Variants in LRRC4C observed in about 807,000 individuals in gnomAD.
The protein encoded by LRRC4C is leucine rich repeat containing 4C.
In LRRC4C, 5 loss-of-function variants were observed where a neutral mutation model predicts 33.6. The ratio of observed to expected loss-of-function variants is 0.15; its 90% CI spans 0.08 to 0.31. The LOEUF is 0.31. Among genes scored for constraint, LRRC4C ranks in the 10% least tolerant of loss-of-function variants. The pLI is 1.00. For synonymous variants in LRRC4C, 329 were observed against 302.0 expected (o/e 1.09, Z -0.93); for missense variants, 560 against 796.7 (o/e 0.70, Z 3.58).
At chr11:40,637,780 T>G (rs1266191885) in intron 3 of LRRC4C, among the ~76,000 whole-genome samples, 5 of 152,212 alleles carry the variant, frequency 3.3e-5, no homozygotes, top group Non-Finnish European at 5.9e-5. Flanking sequence ...AGAGCAATAG[T>G]CTGCTAATTG....
At chr11:40,381,713 T>C (rs1319535942) in intron 3 of LRRC4C, among the ~76,000 whole-genome samples, 1 of 152,040 alleles carries the variant, frequency 6.6e-6, no homozygotes, top group Admixed American at 6.6e-5. Context: ...CTGATGGCTC[T>C]CTCTTGGTGC....
chr11:40,907,089 A>G (rs117271785), intron 2 of LRRC4C, among the ~76,000 whole-genome samples: 1 of 152,340 alleles, frequency 6.6e-6, no homozygotes, highest in East Asian at 1.9e-4. Context: ...ATGCAAGTAT[A>G]TCAGTTACTT....
intron 4 of LRRC4C, among the ~76,000 whole-genome samples, chr11:40,318,761 T>A (rs1945699955): frequency 6.6e-6 from 1 of 152,140 alleles, no homozygotes; most frequent in African/African-American, 2.4e-5. Context: ...GCCTCAAAAA[T>A]TGAAAACTAC....
intron 2 of LRRC4C, among the ~76,000 whole-genome samples, chr11:40,708,848 T>A (rs2136562321): frequency 6.6e-6 from 1 of 152,244 alleles, no homozygotes; most frequent in African/African-American, 2.4e-5. Context: ...AGTCTAAGTC[T>A]CCTTGTAGCT....
At chr11:40,693,921 C>T (rs1027670181) in intron 2 of LRRC4C, among the ~76,000 whole-genome samples, 2 of 152,144 alleles carry the variant, frequency 1.3e-5, no homozygotes, top group African/African-American at 2.4e-5. Context: ...TTTCTGCTAT[C>T]AATGCCAACA....
chr11:40,997,275 A>G (rs1319391319), intron 1 of LRRC4C, among the ~76,000 whole-genome samples: 1 of 152,104 alleles, frequency 6.6e-6, no homozygotes, highest in Non-Finnish European at 1.5e-5. Context: ...ATTACCTATA[A>G]TATGAGTGAA....
intron 1 of LRRC4C, among the ~76,000 whole-genome samples, chr11:41,447,354 T>A (rs184240817): frequency 2.0e-5 from 3 of 152,254 alleles, no homozygotes; most frequent in Admixed American, 2.0e-4. Flanking sequence ...ACTAAGAAAT[T>A]TCCCAGTTTC....
At chr11:40,614,154 C>T (rs1961520304) in intron 3 of LRRC4C, among the ~76,000 whole-genome samples, 1 of 151,868 alleles carries the variant, frequency 6.6e-6, no homozygotes, top group Admixed American at 6.6e-5. Context: ...ATTGACTTCT[C>T]TCTAGCTATT....
At chr11:40,305,013 C>T (rs1022247784) in intron 4 of LRRC4C, among the ~76,000 whole-genome samples, 3 of 152,202 alleles carry the variant, frequency 2.0e-5, no homozygotes, top group Admixed American at 6.5e-5. Context: ...GATCTACCCT[C>T]CTTGGCCTCC....
intron 3 of LRRC4C, among the ~76,000 whole-genome samples, chr11:40,436,633 A>G (rs994879740): frequency 1.3e-5 from 2 of 152,322 alleles, no homozygotes; most frequent in South Asian, 4.1e-4. Flanking sequence ...GAGCTATTAC[A>G]GACTGAATGT....
At chr11:41,144,898 C>G (rs1344593914) in intron 1 of LRRC4C, among the ~76,000 whole-genome samples, 1 of 152,126 alleles carries the variant, frequency 6.6e-6, no homozygotes, top group Non-Finnish European at 1.5e-5. Flanking sequence ...GAAACTAGTA[C>G]ATTCCAATGT....
intron 1 of LRRC4C, among the ~76,000 whole-genome samples, chr11:41,453,329 G>A (rs1401202476): frequency 6.6e-6 from 1 of 152,010 alleles, no homozygotes; most frequent in African/African-American, 2.4e-5. Context: ...CAAAAATATG[G>A]TACTGATCAT....
chr11:40,129,064 A>G (rs1170863141), intron 6 of LRRC4C, among the ~76,000 whole-genome samples: 2 of 152,146 alleles, frequency 1.3e-5, no homozygotes, highest in Non-Finnish European at 2.9e-5. Flanking sequence ...TTCACCTAGA[A>G]CAGTACTCAT....
chr11:41,416,943 A>C (rs1203982143), intron 1 of LRRC4C, among the ~76,000 whole-genome samples: 1 of 151,978 alleles, frequency 6.6e-6, no homozygotes, highest in Non-Finnish European at 1.5e-5. Flanking sequence ...AGAGTTTCCC[A>C]GTAGCACACA....
intron 1 of LRRC4C, among the ~76,000 whole-genome samples, chr11:41,147,946 G>T (rs921630428): frequency 6.6e-6 from 1 of 152,108 alleles, no homozygotes; most frequent in Admixed American, 6.6e-5. Context: ...ATAAAAATTA[G>T]CTGGGCGTGG....
In LRRC4C at chr11:40,635,902, G is replaced by T. The variant is rs766635801; in HGVS notation, c.-270+12240C>A. Among the ~76,000 whole-genome samples the T allele has an allele frequency of 8.1e-4, 123 of 151,980 alleles. 1 individual carries two copies. Among genetic ancestry groups the T allele is most frequent in the Non-Finnish European group, 2.5e-4 (17 of 68,010 alleles). ...GATCCGCCTGCCTCGGCCTCCCAAA[G>T]TGCTGGGATTACAGGCGTGAGGCAC... On this transcript the variant is annotated intron_variant, in intron 3 of 6. Transcript: ENST00000528697.
chr11:41,363,062 T>A (rs777225074), intron 1 of LRRC4C, among the ~76,000 whole-genome samples: 11 of 152,218 alleles, frequency 7.2e-5, no homozygotes, highest in Non-Finnish European at 1.2e-4. Flanking sequence ...CTTCCTTACA[T>A]ATCTCTGAGT....
At chr11:40,881,463 C>G (rs1002894014) in intron 2 of LRRC4C, among the ~76,000 whole-genome samples, 2 of 152,056 alleles carry the variant, frequency 1.3e-5, no homozygotes, top group Non-Finnish European at 2.9e-5. Context: ...GCAATAAAAA[C>G]AAATCAGATT....
intron 2 of LRRC4C, among the ~76,000 whole-genome samples, chr11:40,749,833 A>G (rs942328595): frequency 2.6e-5 from 4 of 152,076 alleles, no homozygotes; most frequent in African/African-American, 7.2e-5. Flanking sequence ...AATACAGAAG[A>G]CCATCAGAGA....
Sources: gnomAD v4.1 joint callset for allele counts (sites outside exome capture counted in the v4.1 genomes callset) on GRCh38, gnomAD v4.1.1 for gene constraint, MANE v1.5 for transcripts, NCBI Gene and HGNC (gene_info 2026-07-23, HGNC 2026-07-21) for gene names.